SSBP2: variants seen among roughly 807,000 people sequenced by gnomAD.
SSBP2 encodes the protein single-stranded DNA-binding protein 2.
SSBP2 carries 17 observed loss-of-function variants against 61.8 expected under a neutral mutation model. The ratio of observed to expected loss-of-function variants is 0.28; its 90% CI spans 0.19 to 0.41. The LOEUF is 0.41. Ranked by LOEUF, SSBP2 falls within the 10% of genes least tolerant of loss-of-function variation. The pLI is 1.00. For missense variants in SSBP2, 310 were observed against 458.7 expected, an observed-to-expected ratio of 0.68 and a Z score of 2.96; for synonymous variants, 139 against 141.3, an observed-to-expected ratio of 0.98 and a Z score of 0.12.
chr5:81,518,707 T>C (rs1039757871), intron 4 of SSBP2, among the ~76,000 whole-genome samples: 1 of 152,284 alleles, frequency 6.6e-6, no homozygotes. Flanking sequence ...TTGGCAACTT[T>C]AGTGTAAAGC....
At chr5:81,489,735 A>G (rs1766710332) in intron 5 of SSBP2, among the ~76,000 whole-genome samples, 1 of 152,240 alleles carries the variant, frequency 6.6e-6, no homozygotes. Context: ...TTCCTTTAAT[A>G]ATTTTAAAAT....
chr5:81,578,909 A>AT (rs200580167), intron 4 of SSBP2, among the ~76,000 whole-genome samples: 1 of 151,802 alleles, frequency 6.6e-6, no homozygotes, highest in Admixed American at 6.6e-5. Flanking sequence ...TCTGTTAACA[A>AT]TTTTTTTTCT....
intron 16 of SSBP2, 56 bp from the exon 17 acceptor site, chr5:81,420,589 GTTC>G (rs2153882030): frequency 2.0e-5 from 28 of 1,406,900 alleles, no homozygotes; most frequent in East Asian, 4.6e-5. Flanking sequence ...GATCACTAAG[GTTC>G]TTCTTGGTAC....
intron 4 of SSBP2, among the ~76,000 whole-genome samples, chr5:81,603,004 A>T (rs77223713): frequency 0.01 from 1,578 of 152,266 alleles, 39 homozygotes; most frequent in African/African-American, 0.035. Flanking sequence ...GGTCCCATGC[A>T]CTTTAGGTTT....
intron 1 of SSBP2, among the ~76,000 whole-genome samples, chr5:81,714,513 C>T (rs1221429724): frequency 6.6e-6 from 1 of 152,184 alleles, no homozygotes; most frequent in African/African-American, 2.4e-5. Flanking sequence ...CTAATTTACA[C>T]TCCCAACAGT....
chr5:81,696,671 G>A (rs572042532), intron 1 of SSBP2, among the ~76,000 whole-genome samples: 10 of 152,226 alleles, frequency 6.6e-5, no homozygotes, highest in South Asian at 4.2e-4. Context: ...TTTCTCTGCC[G>A]GGACTATGTT....
intron 4 of SSBP2, among the ~76,000 whole-genome samples, chr5:81,580,941 C>T (rs537853250): frequency 2.6e-5 from 4 of 151,764 alleles, no homozygotes; most frequent in South Asian, 2.1e-4. Context: ...CTTTAGACCA[C>T]GAAAAATCTC....
chr5:81,464,745 T>C (rs1764777477), intron 9 of SSBP2, among the ~76,000 whole-genome samples: 1 of 152,092 alleles, frequency 6.6e-6, no homozygotes, highest in South Asian at 2.1e-4. Context: ...GTTTAGTTAG[T>C]TCAAGACAGA....
At chr5:81,510,501 G>A (rs904789971) in intron 5 of SSBP2, among the ~76,000 whole-genome samples, 1 of 152,106 alleles carries the variant, frequency 6.6e-6, no homozygotes, top group African/African-American at 2.4e-5. Flanking sequence ...AGTGGCTCAC[G>A]CTTGTAATCC....
intron 1 of SSBP2, among the ~76,000 whole-genome samples, chr5:81,703,942 T>C (rs1311203661): frequency 6.6e-6 from 1 of 152,184 alleles, no homozygotes; most frequent in Admixed American, 6.5e-5. Context: ...CTACCTAAAA[T>C]GGGTAAGTCA....
At chr5:81,484,730 T>G (rs988405686) in intron 6 of SSBP2, among the ~76,000 whole-genome samples, 1 of 152,134 alleles carries the variant, frequency 6.6e-6, no homozygotes, top group African/African-American at 2.4e-5. Flanking sequence ...ATTTTTAATA[T>G]GTACATACTA....
At chr5:81,448,051 C>T (rs1476389416) in intron 11 of SSBP2, 4 of 152,114 alleles carry the variant, frequency 2.6e-5, no homozygotes, top group African/African-American at 9.7e-5. Context: ...CTAGCCACCA[C>T]CTCTGAACAT....
intron 3 of SSBP2, among the ~76,000 whole-genome samples, chr5:81,624,669 A>G (rs1455093369): frequency 1.3e-5 from 2 of 152,140 alleles, no homozygotes; most frequent in Non-Finnish European, 2.9e-5. Context: ...CATCAACAAC[A>G]AAGGCTGTAG....
intron 2 of SSBP2, among the ~76,000 whole-genome samples, chr5:81,640,165 C>A (rs751602171): frequency 1.4e-4 from 21 of 152,150 alleles, no homozygotes; most frequent in Middle Eastern, 3.4e-3. Context: ...AATGGTGAAA[C>A]CCCATCTCTA....
intron 5 of SSBP2, among the ~76,000 whole-genome samples, chr5:81,508,381 G>A (rs1768340818): frequency 6.6e-6 from 1 of 152,062 alleles, no homozygotes; most frequent in Non-Finnish European, 1.5e-5. Flanking sequence ...CAGACTCCAA[G>A]TAAATAACTA....
rs938079405 is a variant in SSBP2 at position 81,474,348 on chromosome 5, A to G, written c.499+148T>C. The G allele has an allele frequency of 1.6e-4, 104 of 633,354 alleles. No homozygotes were observed. The African/African-American group carries it at 1.8e-3, about 11-fold the overall frequency. 39.2% of individuals were successfully genotyped at this position (633,354 alleles called of 1,614,324 possible). On this transcript the variant is annotated intron_variant, in intron 7 of 16. Coordinates refer to ENST00000320672, the MANE Select transcript of SSBP2 (RefSeq NM_012446.5). ...TCATGCATAATTAAGTGAGCTGGAA[A>G]TATAAATCATTTGGCTATGTTACTT...
chr5:81,475,360 A>C lies in SSBP2; in HGVS notation c.433-798T>G, dbSNP rs149299630. Among the ~76,000 whole-genome samples the C allele has an allele frequency of 1.0e-3, 152 of 152,300 alleles. 1 individual carries two copies. Among genetic ancestry groups the C allele is most frequent in the African/African-American group, 3.5e-3 (145 of 41,576 alleles). The stretch of plus-strand genomic sequence containing the variant: ...TAACATATGCAACTATTTCAAAAGA[A>C]ATTTAACATTAAATAATTTACATGG... On this transcript the variant is annotated intron_variant, in intron 6 of 16. Transcript: ENST00000320672.
chr5:81,495,991 C>T (rs1442014618), intron 5 of SSBP2, among the ~76,000 whole-genome samples: 1 of 152,024 alleles, frequency 6.6e-6, no homozygotes, highest in Admixed American at 6.5e-5. Context: ...AAAAGAATAA[C>T]AATAATTTCC....
rs1026290479 is a variant in SSBP2 at position 81,487,848 on chromosome 5, G to A, written c.432+1402C>T. On this transcript the variant is annotated intron_variant, in intron 6 of 16. Coordinates refer to ENST00000320672, the MANE Select transcript of SSBP2 (RefSeq NM_012446.5). Reference sequence around the variant, plus strand: ...GACTTTCTAGCCTCTGGCAACCACTGCTCTATTCAGCTTCTATGAGTTTGA... The same window carrying A: ...GACTTTCTAGCCTCTGGCAACCACTACTCTATTCAGCTTCTATGAGTTTGA... Among the ~76,000 whole-genome samples the A allele has an allele frequency of 4.0e-5, 6 of 150,658 alleles. No individual in the cohort carries two copies. The South Asian group carries it at 1.3e-3, about 32-fold the overall frequency.
Sources: gnomAD v4.1 joint callset for allele counts (sites outside exome capture counted in the v4.1 genomes callset) on GRCh38, gnomAD v4.1.1 for gene constraint, MANE v1.5 for transcripts, NCBI Gene and HGNC (gene_info 2026-07-23, HGNC 2026-07-21) for gene names.